DNAH11: variants seen among roughly 807,000 people sequenced by gnomAD.
The protein encoded by DNAH11 is axonemal beta dynein heavy chain 11.
Under a neutral mutation model 526.0 loss-of-function variants are expected in DNAH11, and 442 were observed. The observed-to-expected ratio is 0.84, with a 90% CI of 0.78 to 0.91. The LOEUF (loss-of-function observed/expected upper bound fraction) is 0.91. Ranked by LOEUF, DNAH11 falls within the 40% of genes least tolerant of loss-of-function variation. DNAH11 has a pLI of 0.00. For missense variants in DNAH11, 6,989 were observed against 5,448.7 expected, an observed-to-expected ratio of 1.28 and a Z score of -8.90; for synonymous variants, 2,461 against 1,935.9, an observed-to-expected ratio of 1.27 and a Z score of -7.12.
rs1162504184 is a variant in DNAH11, at chr7:21,683,777, C to G, written c.5461-7C>G. 1 of 1,596,382 alleles carries G rather than the reference C, an allele frequency of 6.3e-7. No individual in the cohort carries two copies. Among genetic ancestry groups the G allele is most frequent in the African/African-American group, 1.3e-5 (1 of 74,548 alleles). ...TCCTGCGTATGATGATTATGCAATG[C>G]CTTTAGGTTGTCAGTCCCCAAGCTT... is the stretch of plus-strand genomic sequence containing the variant. On this transcript the variant is annotated splice_polypyrimidine_tract_variant and splice_region_variant and intron_variant, in intron 31 of 81. Coordinates refer to ENST00000409508, the MANE Select transcript of DNAH11 (RefSeq NM_001277115.2).
chr7:21,564,130 T>C, intron 5 of DNAH11, 56 bp from the exon 6 acceptor site: 2 of 1,277,364 alleles, frequency 1.6e-6, no homozygotes, highest in Non-Finnish European at 2.1e-6. Flanking sequence ...AAAGTGAATT[T>C]AGAAAAAAAA....
chr7:21,708,328 A>C (rs1303343063), intron 40 of DNAH11, among the ~76,000 whole-genome samples: 1 of 152,168 alleles, frequency 6.6e-6, no homozygotes, highest in Non-Finnish European at 1.5e-5. Flanking sequence ...TCTCCCTCTT[A>C]TACCCTACAT....
chr7:21,756,421 T>C (rs1218070148), intron 54 of DNAH11, among the ~76,000 whole-genome samples: 1 of 152,126 alleles, frequency 6.6e-6, no homozygotes, highest in Non-Finnish European at 1.5e-5. Flanking sequence ...CACAGATAAT[T>C]GGTGTGTTTA....
chr7:21,561,254 C>A, intron 5 of DNAH11, 84 bp downstream of exon 5: 1 of 978,762 alleles, frequency 1.0e-6, no homozygotes, highest in Non-Finnish European at 1.6e-6. Context: ...TGATATTTAC[C>A]CTTCCGCCAT....
chr7:21,692,729 C>A (rs1289427567), intron 35 of DNAH11, among the ~76,000 whole-genome samples: 1 of 152,168 alleles, frequency 6.6e-6, no homozygotes, highest in South Asian at 2.1e-4. Context: ...GTGTGCTTTG[C>A]TTATAAGAAT....
chr7:21,649,080 T>C (rs80319784), intron 28 of DNAH11, among the ~76,000 whole-genome samples: 4,306 of 152,288 alleles, frequency 0.028, 180 homozygotes, highest in African/African-American at 0.098. Context: ...AAAACACATA[T>C]ACTTGCTCAT....
intron 70 of DNAH11, 125 bp from the exon 71 acceptor site, chr7:21,866,345 A>C: frequency 2.7e-6 from 2 of 746,334 alleles, no homozygotes; most frequent in Non-Finnish European, 4.0e-6. Flanking sequence ...AGGAAATCTG[A>C]AGAGGAGAGT....
At chr7:21,765,673 A>G (rs1031365958) in intron 55 of DNAH11, 84 bp downstream of exon 55, 1 of 1,417,232 alleles carries the variant, frequency 7.1e-7, no homozygotes, top group Non-Finnish European at 9.3e-7. Context: ...GAAAATCCTC[A>G]GTAGGTAAGT....
chr7:21,804,825 C>G (rs966308706), intron 62 of DNAH11, among the ~76,000 whole-genome samples: 1 of 152,134 alleles, frequency 6.6e-6, no homozygotes, highest in South Asian at 2.1e-4. Flanking sequence ...TAAGTACATT[C>G]ACATCACTCC....
Position 21,880,857 on chromosome 7 carries a change from C to T in DNAH11, c.12351C>T (p.Ala4117=), listed in dbSNP as rs1484224764. 1.9e-6 allele frequency: 3 copies of T among 1,613,106 alleles called. No individual in the cohort carries two copies. Among genetic ancestry groups the T allele is most frequent in the South Asian group, 1.1e-5 (1 of 90,844 alleles). Residue 4117 remains alanine, a synonymous_variant, in exon 75 of 82, where the codon GCC becomes GCT. Transcript: ENST00000409508. ...PFNPGDLTIC[A]SVLYNYLEAN... is the part of the protein sequence containing the mutation. ...ATCCTGGAGACCTCACCATTTGTGC[C>T]AGTGTCCTCTACAACTACTTAGAGG...
At chr7:21,800,908 A>G (rs1431032172) in intron 61 of DNAH11, among the ~76,000 whole-genome samples, 1 of 151,984 alleles carries the variant, frequency 6.6e-6, no homozygotes, top group Non-Finnish European at 1.5e-5. Flanking sequence ...TGGAGGCAGA[A>G]GGGGAGAGAA....
chr7:21,835,521 TATTTC>T (rs965453179), intron 65 of DNAH11, among the ~76,000 whole-genome samples: 2 of 152,070 alleles, frequency 1.3e-5, no homozygotes, highest in African/African-American at 4.8e-5. Flanking sequence ...AACATACAAT[TATTTC>T]AATCAACACA....
intron 44 of DNAH11, among the ~76,000 whole-genome samples, chr7:21,724,957 G>C (rs1474032913): frequency 1.3e-5 from 2 of 152,146 alleles, no homozygotes; most frequent in Non-Finnish European, 2.9e-5. Context: ...CACTGGGACA[G>C]GTCATCCTGT....
At chr7:21,675,816 C>T in intron 30 of DNAH11, among the ~76,000 whole-genome samples, 1 of 152,034 alleles carries the variant, frequency 6.6e-6, no homozygotes, top group Non-Finnish European at 1.5e-5. Context: ...CAAAGAAATA[C>T]ATGATTGATA....
chr7:21,710,989 C>T (rs540994826), intron 41 of DNAH11, among the ~76,000 whole-genome samples: 4 of 152,104 alleles, frequency 2.6e-5, no homozygotes, highest in African/African-American at 4.8e-5. Context: ...AAGAGGTAGC[C>T]GTAAATTATT....
chr7:21,786,205 C>A (rs1788176847), intron 58 of DNAH11, among the ~76,000 whole-genome samples: 1 of 151,946 alleles, frequency 6.6e-6, no homozygotes. Context: ...CTAAGAGACA[C>A]TGAATTAAGG....
At chr7:21,576,789 GTA>G (rs1362438276) in intron 8 of DNAH11, among the ~76,000 whole-genome samples, 1 of 152,158 alleles carries the variant, frequency 6.6e-6, no homozygotes, top group East Asian at 1.9e-4. Flanking sequence ...GCACACTTAT[GTA>G]TATATATTAT....
intron 30 of DNAH11, among the ~76,000 whole-genome samples, chr7:21,659,357 G>T (rs1054212625): frequency 4.0e-5 from 6 of 151,156 alleles, no homozygotes; most frequent in African/African-American, 1.5e-4. Flanking sequence ...ATATGTGCAT[G>T]ATTTGCATTA....
chr7:21,559,624 A>G lies in DNAH11; in HGVS notation c.714A>G (p.Ile238Met). 6.2e-7 allele frequency: 1 copy of G among 1,609,868 alleles called. No homozygotes were observed. The highest frequency in any genetic ancestry group is 2.2e-5 in the East Asian group (1 of 44,758). Reference sequence around the variant, plus strand: ...GTAGGCCACCGTCAAACGAAAGGATAATACTTCATGCAATTGAATCTGTGG... The same window carrying G: ...GTAGGCCACCGTCAAACGAAAGGATGATACTTCATGCAATTGAATCTGTGG... ...SENKPPSNER[I>M]ILHAIESVVI... is the part of the protein sequence containing the mutation. The change falls in exon 4 of 82, where the codon ATA (isoleucine) becomes ATG (methionine). Residue 238 changes from isoleucine (I) to methionine (M), a missense_variant. Coordinates refer to ENST00000409508, the MANE Select transcript of DNAH11 (RefSeq NM_001277115.2).
Sources: allele counts gnomAD v4.1 joint callset (sites outside exome capture counted in the v4.1 genomes callset), GRCh38; gene constraint gnomAD v4.1.1; transcripts MANE v1.5; gene names NCBI Gene and HGNC (gene_info 2026-07-23, HGNC 2026-07-21).